Variants in ST7 observed in about 807,000 individuals in gnomAD.
ST7 encodes the protein suppressor of tumorigenicity 7 protein.
Under a neutral mutation model 78.7 loss-of-function variants are expected in ST7, and 28 were observed. The observed-to-expected ratio is 0.36, with a 90% CI of 0.26 to 0.49. ST7 has a LOEUF of 0.49. Among genes scored for constraint, ST7 ranks in the 20% least tolerant of loss-of-function variants. ST7 has a pLI of 0.99. For synonymous variants in ST7, 247 were observed against 249.6 expected, an observed-to-expected ratio of 0.99 and a Z score of 0.10; for missense variants, 418 against 696.0, an observed-to-expected ratio of 0.60 and a Z score of 4.49.
chr7:117,082,539 T>C (rs963318358), intron 1 of ST7, among the ~76,000 whole-genome samples: 2 of 152,302 alleles, frequency 1.3e-5, no homozygotes, highest in South Asian at 4.1e-4. Flanking sequence ...CTGATCGACT[T>C]CCCAAATGAT....
chr7:117,000,677 G>C (rs1398981792), intron 1 of ST7, among the ~76,000 whole-genome samples: 2 of 152,210 alleles, frequency 1.3e-5, no homozygotes. Context: ...TAAGATCGCA[G>C]GGAAATACAT....
chr7:117,076,537 C>G (rs991441548), intron 1 of ST7: 8 of 152,310 alleles, frequency 5.3e-5, no homozygotes, highest in African/African-American at 1.9e-4. Context: ...TGCGAGCAAA[C>G]AAGGTAGGAA....
intron 3 of ST7, among the ~76,000 whole-genome samples, chr7:117,121,606 A>G (rs970346956): frequency 2.0e-5 from 3 of 152,144 alleles, no homozygotes; most frequent in Admixed American, 2.0e-4. Context: ...ATGTTTTAGA[A>G]CTGGTGGCTC....
At chr7:117,147,158 A>C (rs1805860680) in intron 9 of ST7, among the ~76,000 whole-genome samples, 1 of 151,922 alleles carries the variant, frequency 6.6e-6, no homozygotes, top group South Asian at 2.1e-4. Flanking sequence ...TCTTGCATCT[A>C]GTTTGCAGTT....
intron 9 of ST7, among the ~76,000 whole-genome samples, chr7:117,162,325 T>A (rs559152098): frequency 6.6e-6 from 1 of 152,192 alleles, no homozygotes; most frequent in South Asian, 2.1e-4. Context: ...GAATAATCCT[T>A]TTAGATAGGG....
intron 2 of ST7, among the ~76,000 whole-genome samples, chr7:117,103,829 T>C (rs1801750568): frequency 6.6e-6 from 1 of 152,132 alleles, no homozygotes; most frequent in Non-Finnish European, 1.5e-5. Flanking sequence ...GGAGAAAATA[T>C]TTGCAGGCTA....
At chr7:116,971,460 A>T (rs1793415282) in intron 1 of ST7, among the ~76,000 whole-genome samples, 1 of 152,140 alleles carries the variant, frequency 6.6e-6, no homozygotes, top group Non-Finnish European at 1.5e-5. Context: ...GGGGGTAGAG[A>T]TGGGACAAAA....
rs142971324 is a variant in ST7 at position 116,967,606 on chromosome 7, T to C, written c.151+13915T>C. The C allele has an allele frequency of 3.1e-5, 11 of 350,080 alleles. No individual in the cohort carries two copies. The East Asian group carries it at 7.5e-4, about 24-fold the overall frequency. 21.7% of individuals were successfully genotyped at this position (350,080 alleles called of 1,614,324 possible). A position where few individuals can be genotyped will look rare whatever the true frequency, so the allele number is the denominator to read the frequency against. On this transcript the variant is annotated intron_variant, in intron 1 of 15. Transcript: ENST00000323984. Reference sequence around the variant, plus strand: ...CACATTCTAGCAAAAAGGTCAACAGTCATTTACCAGTTCTGTGATCTTAAC... The same window carrying C: ...CACATTCTAGCAAAAAGGTCAACAGCCATTTACCAGTTCTGTGATCTTAAC...
At position 116,963,119 on chromosome 7, in the gene ST7, G is replaced by C. The variant is rs180691781; in HGVS notation, c.151+9428G>C. On this transcript the variant is annotated intron_variant, in intron 1 of 15. Transcript: ENST00000323984. ...AAATGACACATTAAACTATATAATAGAATCTTTTTTATCCTCGATATTCTT... is the reference window on the plus strand; with the variant it reads ...AAATGACACATTAAACTATATAATACAATCTTTTTTATCCTCGATATTCTT... Among the ~76,000 whole-genome samples, 221 of 152,262 alleles carry C rather than the reference G, an allele frequency of 1.5e-3. 1 individual carries two copies. The highest frequency in any genetic ancestry group is 4.9e-3 in the African/African-American group (203 of 41,560).
chr7:116,963,775 G>A (rs1792958909), intron 1 of ST7, among the ~76,000 whole-genome samples: 1 of 151,964 alleles, frequency 6.6e-6, no homozygotes. Flanking sequence ...TGGGACTACA[G>A]GTGCATGCCA....
chr7:117,139,781 T>C (rs913894379), intron 9 of ST7, among the ~76,000 whole-genome samples: 3 of 152,204 alleles, frequency 2.0e-5, no homozygotes, highest in African/African-American at 7.2e-5. Flanking sequence ...GAATGTTATA[T>C]GGTATAAGTG....
chr7:117,211,275 C>T (rs1285055747), intron 13 of ST7, among the ~76,000 whole-genome samples: 2 of 152,220 alleles, frequency 1.3e-5, no homozygotes, highest in Non-Finnish European at 2.9e-5. Flanking sequence ...AGTGTAATAG[C>T]ACACTCCAGG....
chr7:117,053,361 T>C (rs957714246), intron 1 of ST7, among the ~76,000 whole-genome samples: 6 of 152,182 alleles, frequency 3.9e-5, no homozygotes, highest in African/African-American at 1.2e-4. Flanking sequence ...CTCTCGAAGG[T>C]GCCAGAGTTA....
chr7:117,154,605 G>A (rs1806547121), intron 9 of ST7, among the ~76,000 whole-genome samples: 1 of 152,196 alleles, frequency 6.6e-6, no homozygotes, highest in Non-Finnish European at 1.5e-5. Context: ...GGTGAGTTAA[G>A]AGTATTAAGG....
At chr7:116,956,089 T>G (rs1792461819) in intron 1 of ST7, among the ~76,000 whole-genome samples, 1 of 152,164 alleles carries the variant, frequency 6.6e-6, no homozygotes, top group Non-Finnish European at 1.5e-5. Context: ...GACATGAAAT[T>G]ATAGCCACAA....
chr7:117,223,578 G>C (rs535632448), intron 15 of ST7: 1 of 153,286 alleles, frequency 6.5e-6, no homozygotes, highest in African/African-American at 2.4e-5. Context: ...ACCTTTGCAC[G>C]TGCTGTTTGC....
intron 1 of ST7, among the ~76,000 whole-genome samples, chr7:117,085,184 A>G (rs905673259): frequency 6.6e-6 from 1 of 152,246 alleles, no homozygotes; most frequent in Non-Finnish European, 1.5e-5. Flanking sequence ...GGTAGACTTT[A>G]TATTAAAAAC....
intron 13 of ST7, among the ~76,000 whole-genome samples, chr7:117,210,699 T>A (rs1196167242): frequency 6.6e-6 from 1 of 152,016 alleles, no homozygotes; most frequent in Non-Finnish European, 1.5e-5. Context: ...CTTGAAGAAG[T>A]AGGACATTAT....
At chr7:117,172,652 C>A (rs1485642064) in intron 10 of ST7, among the ~76,000 whole-genome samples, 1 of 152,196 alleles carries the variant, frequency 6.6e-6, no homozygotes, top group Non-Finnish European at 1.5e-5. Flanking sequence ...TATTGGGCTG[C>A]CTTGTAGGCA....
Sources: gnomAD v4.1 joint callset for allele counts (sites outside exome capture counted in the v4.1 genomes callset) on GRCh38, gnomAD v4.1.1 for gene constraint, MANE v1.5 for transcripts, NCBI Gene and HGNC (gene_info 2026-07-23, HGNC 2026-07-21) for gene names.